Variants in UNC13D observed in about 807,000 individuals in gnomAD.
UNC13D encodes the protein protein unc-13 homolog D.
A neutral mutation model predicts 151.7 loss-of-function variants in UNC13D; 115 were observed. The ratio of observed to expected loss-of-function variants is 0.76; its 90% CI spans 0.65 to 0.88. The LOEUF is 0.88. Ranked by LOEUF, UNC13D falls within the 40% of genes least tolerant of loss-of-function variation. UNC13D has a pLI of 0.00. For missense variants in UNC13D, 1,369 were observed against 1,438.7 expected (o/e 0.95, Z 0.78); for synonymous variants, 588 against 612.2 (o/e 0.96, Z 0.58).
chr17:75,841,199 G>A (rs941357775), intron 6 of UNC13D, 198 bp from the exon 7 acceptor site: 9 of 571,648 alleles, frequency 1.6e-5, no homozygotes, highest in African/African-American at 6.1e-5. Flanking sequence ...CTGGAGGAGT[G>A]CAGTGGCAGG....
rs866629962 is a variant in UNC13D, at chr17:75,840,956, C to A, written c.614+1G>T. On this transcript the variant is annotated splice_donor_variant, in intron 7 of 31. Coordinates refer to ENST00000207549, the MANE Select transcript of UNC13D (RefSeq NM_199242.3). LOFTEE classifies it high-confidence loss of function. This position sits in a 1 kb window ranked among gnomAD's most constrained non-coding sequence, Gnocchi z 4.6. The stretch of plus-strand genomic sequence containing the variant: ...CCCTAGGGGCAGGCCAGGTCACTCA[C>A]CACATGTCCAGATGAAAGCTCGCAT... 4.3e-6 allele frequency: 7 copies of A among 1,613,938 alleles called. No individual in the cohort carries two copies. Among genetic ancestry groups the A allele is most frequent in the Non-Finnish European group, 5.9e-6 (7 of 1,180,042 alleles).
chr17:75,837,006 C>CCCTCCTTCAGGGCCCCTGGTGGAGAA, intron 12 of UNC13D, 88 bp from the exon 13 acceptor site: 1 of 1,211,602 alleles, frequency 8.3e-7, no homozygotes, highest in South Asian at 1.2e-5. Flanking sequence ...GGAATCGCCT[C>CCCTCCTTCAGGGCCCCTGGTGGAGAA]CCATCCACCA....
rs75282374 is a variant in UNC13D at position 75,839,782 on chromosome 17, G to C, written c.1055+57C>G. On this transcript the variant is annotated intron_variant, in intron 12 of 31. Transcript: ENST00000207549. ...ACTTTGGGCTACCGGCTTGGAGGAG[G>C]GCAGGGGGCGTGGGGGGCTGGTGGC... 1,086 of 1,566,576 alleles carry C rather than the reference G, an allele frequency of 6.9e-4. 1 individual carries two copies. In the African/African-American group the frequency reaches 0.013, roughly 19 times the overall value.
At position 75,833,114 on chromosome 17, in the gene UNC13D, G is replaced by C. The variant is rs2143871625; in HGVS notation, c.2368-69C>G. On this transcript the variant is annotated intron_variant, in intron 24 of 31. Transcript: ENST00000207549. This position sits in a 1 kb window ranked among gnomAD's most constrained non-coding sequence, Gnocchi z 4.0. The stretch of plus-strand genomic sequence containing the variant: ...GGCCCCACCCCCATCCCCTTCCCCT[G>C]ACCTGGAGGGAGGAAACAGGGCTGG... 12 of 1,468,484 alleles carry C rather than the reference G, an allele frequency of 8.2e-6. No individual in the cohort carries two copies. Among genetic ancestry groups the C allele is most frequent in the Non-Finnish European group, 1.0e-5 (11 of 1,073,388 alleles). The allele number at this position is 1,468,484 out of a possible 1,614,324, so 91.0% of individuals were successfully genotyped here. A position where few individuals can be genotyped will look rare whatever the true frequency, so the allele number is the denominator to read the frequency against.
intron 31 of UNC13D, 146 bp downstream of exon 31, chr17:75,828,641 T>C: frequency 2.2e-6 from 2 of 915,638 alleles, no homozygotes; most frequent in South Asian, 2.2e-5. Flanking sequence ...GTCTCTTGAT[T>C]AGACCGAGAG....
At position 75,842,902 on chromosome 17, in the gene UNC13D, C is replaced by T. The variant is rs1267574358; in HGVS notation, c.343G>A (p.Ala115Thr). Reference sequence around the variant, plus strand: ...ATGCCCTTGGCCTGTTTCACTGTTGCCTTCAGACAAAATATTGGCTTCTGG... The same window carrying T: ...ATGCCCTTGGCCTGTTTCACTGTTGTCTTCAGACAAAATATTGGCTTCTGG... ...ELEKPIFCLK[A>T]TVKQAKGILG... The change falls in exon 5 of 32, where the codon GCA becomes ACA. Residue 115 changes from alanine (A) to threonine (T), a missense_variant. Coordinates refer to ENST00000207549, the MANE Select transcript of UNC13D (RefSeq NM_199242.3). The T allele has an allele frequency of 6.2e-6, 10 of 1,613,472 alleles. No individual in the cohort carries two copies. The highest frequency in any genetic ancestry group is 8.5e-6 in the Non-Finnish European group (10 of 1,179,998).
In UNC13D at chr17:75,842,488, G is replaced by T. The variant is rs560126604; in HGVS notation, c.514C>A (p.Arg172Ser). 2.5e-6 allele frequency: 4 copies of T among 1,613,310 alleles called. No homozygotes were observed. Among genetic ancestry groups the T allele is most frequent in the Non-Finnish European group, 3.4e-6 (4 of 1,179,958 alleles). ...AGTGTCTGGGTGATGACCTGCGTGC[G>T]GTGGGTCTCCTCCTCGGGGATGGTG... ...RHTIPEEETH[R>S]TQVITQTLNP... Residue 172 changes from arginine to serine, a missense_variant, in exon 6 of 32, where the codon CGC becomes AGC. Arg to Ser is a moderately radical substitution (Grantham distance 110). Coordinates refer to ENST00000207549, the MANE Select transcript of UNC13D (RefSeq NM_199242.3).
At chr17:75,831,041 G>C (rs1567817054) in intron 27 of UNC13D, 57 bp downstream of exon 27, 1 of 1,600,524 alleles carries the variant, frequency 6.2e-7, no homozygotes, top group South Asian at 1.1e-5. Context: ...ACATAGGTGA[G>C]TGCCAAAAGG....
intron 6 of UNC13D, 21 bp downstream of exon 6, chr17:75,842,412 G>T: frequency 6.2e-7 from 1 of 1,603,728 alleles, no homozygotes; most frequent in Non-Finnish European, 8.5e-7. Context: ...ATAGAGTGGG[G>T]GCTGGAGCAC....
rs1567822759 is a variant in UNC13D, at chr17:75,843,489, C to CG, written c.147dup (p.Glu50ArgfsTer22). ...CCCAGCACTCTGACTCTTACCTGCTCGGGGGAGAAGTGGTGGGATGGAGGC... is the reference window on the plus strand; with the variant it reads ...CCCAGCACTCTGACTCTTACCTGCTCGGGGGGAGAAGTGGTGGGATGGAGGC... On this transcript the variant is annotated frameshift_variant, in exon 2 of 32. Transcript: ENST00000207549. LOFTEE classifies it high-confidence loss of function. 1 of 1,610,356 alleles carries CG rather than the reference C, an allele frequency of 6.2e-7. No homozygotes were observed. The highest frequency in any genetic ancestry group is 8.5e-7 in the Non-Finnish European group (1 of 1,178,958).
At position 75,834,018 on chromosome 17, in the gene UNC13D, C is replaced by T. The variant is rs1351919223; in HGVS notation, c.2367+57G>A. 5 of 1,603,346 alleles carry T rather than the reference C, an allele frequency of 3.1e-6. No individual in the cohort carries two copies. In the African/African-American group the frequency reaches 6.7e-5, roughly 21 times the overall value. On this transcript the variant is annotated intron_variant, in intron 24 of 31. Transcript: ENST00000207549. ...CTTTGACACCAAGGCCTTCAATGACCCCAGATCTACAGAGCTGGCAGGGTG... is the reference window on the plus strand; with the variant it reads ...CTTTGACACCAAGGCCTTCAATGACTCCAGATCTACAGAGCTGGCAGGGTG...
At position 75,834,149 on chromosome 17, in the gene UNC13D, GAC is replaced by G. The variant is rs1491146339; in HGVS notation, c.2299-8_2299-7del. On this transcript the variant is annotated splice_region_variant and splice_polypyrimidine_tract_variant and intron_variant, in intron 23 of 31. Transcript: ENST00000207549. ...TTGGCGATGCCCACCTCCAACTGGA[GAC>G]ACAAAACGGAAGAAGGAGGGAGGTC... The G allele has an allele frequency of 6.2e-7, 1 of 1,613,562 alleles. No homozygotes were observed. Among genetic ancestry groups the G allele is most frequent in the Admixed American group, 1.7e-5 (1 of 60,000 alleles).
chr17:75,827,644 A>G lies in UNC13D; in HGVS notation c.*321T>C. 1 of 1,535,246 alleles carries G rather than the reference A, an allele frequency of 6.5e-7. No individual in the cohort carries two copies. The highest frequency in any genetic ancestry group is 8.7e-7 in the Non-Finnish European group (1 of 1,146,586). ...GGCAGATGGGCCAGGGCCAGGAGAC[A>G]GATGGCCCAATCCCCTGCCCACCAC... On this transcript the variant is annotated 3_prime_UTR_variant, in exon 32 of 32. Coordinates refer to ENST00000207549, the MANE Select transcript of UNC13D (RefSeq NM_199242.3).
chr17:75,829,285 T>TC (rs1355492371), intron 30 of UNC13D, among the ~76,000 whole-genome samples: 1 of 152,126 alleles, frequency 6.6e-6, no homozygotes. Context: ...GTCCACCCCT[T>TC]CCCCCAAGGG....
Position 75,840,186 on chromosome 17 carries a change from A to G in UNC13D, c.858+39T>C. The G allele has an allele frequency of 6.2e-7, 1 of 1,612,910 alleles. No individual in the cohort carries two copies. The highest frequency in any genetic ancestry group is 8.5e-7 in the Non-Finnish European group (1 of 1,179,352). On this transcript the variant is annotated intron_variant, in intron 10 of 31. Transcript: ENST00000207549. This position sits in a 1 kb window ranked among gnomAD's most constrained non-coding sequence, Gnocchi z 4.6. ...GCCCCGCAACCCAGCAGACCGCCGC[A>G]AGAGCTGGGCATGGCCACTGGCCCA... is the stretch of plus-strand genomic sequence containing the variant.
rs766218455 is a variant in UNC13D, at chr17:75,832,999, A to C, written c.2414T>G (p.Met805Arg). The C allele has an allele frequency of 1.2e-6, 2 of 1,601,614 alleles. No individual in the cohort carries two copies. Among genetic ancestry groups the C allele is most frequent in the African/African-American group, 1.3e-5 (1 of 74,840 alleles). ...MKFLEVELCY[M>R]NTNLVQENFS... ...GTTCTCCTGCACCAAGTTGGTGTTC[A>C]TGTAGCAAAGCTCCACCTCCAGGAA... is the stretch of plus-strand genomic sequence containing the variant. The change falls in exon 25 of 32, where the codon ATG becomes AGG. Residue 805 changes from methionine (M) to arginine (R), a missense_variant. Coordinates refer to ENST00000207549, the MANE Select transcript of UNC13D (RefSeq NM_199242.3). This position sits in a 1 kb window ranked among gnomAD's most constrained non-coding sequence, Gnocchi z 4.3.
Position 75,840,866 on chromosome 17 carries a change from A to G in UNC13D, c.615-36T>C. The G allele has an allele frequency of 6.2e-7, 1 of 1,613,938 alleles. No homozygotes were observed. The highest frequency in any genetic ancestry group is 8.5e-7 in the Non-Finnish European group (1 of 1,179,928). ...AGAGGTTTGAGAAGGAAGCAGAGAG[A>G]GTGCCTACGACCTCTTCCAGGAGGA... On this transcript the variant is annotated intron_variant, in intron 7 of 31. Transcript: ENST00000207549. The surrounding 1 kb of genome is among the most constrained non-coding windows in gnomAD (Gnocchi z 4.6).
At chr17:75,837,691 T>G (rs2064918171) in intron 12 of UNC13D, among the ~76,000 whole-genome samples, 1 of 147,944 alleles carries the variant, frequency 6.8e-6, no homozygotes, top group African/African-American at 2.6e-5. Context: ...GAGGCAGAAG[T>G]TGCAGTGAGC....
rs1452214539 is a variant in UNC13D, at chr17:75,835,010, G to A, written c.1902C>T (p.Ser634=). The change falls in exon 21 of 32, where the codon TCC becomes TCT. Residue 634 remains serine (S), a synonymous_variant. Transcript: ENST00000207549. The part of the protein sequence containing the change: ...TKHSTSAVDL[S]TCFAQISHTA... ...TGTGGCTGATCTGGGCAAAGCAGGT[G>A]GATAGATCCACCGCTGATGTGCTGT... 2 of 1,614,064 alleles carry A rather than the reference G, an allele frequency of 1.2e-6. No individual in the cohort carries two copies. The highest frequency in any genetic ancestry group is 1.3e-5 in the African/African-American group (1 of 75,022).
Sources: gnomAD v4.1 joint callset for allele counts (sites outside exome capture counted in the v4.1 genomes callset) on GRCh38, gnomAD v4.1.1 for gene constraint, Gnocchi (gnomAD v3.1) non-coding constraint, MANE v1.5 for transcripts, NCBI Gene and HGNC (gene_info 2026-07-23, HGNC 2026-07-21) for gene names.